Variants in LIPG observed in about 807,000 individuals in gnomAD.
LIPG encodes the protein lipase G, endothelial type.
In LIPG, 34 loss-of-function variants were observed where a neutral mutation model predicts 51.8. The observed-to-expected ratio is 0.66, with a 90% confidence interval of 0.50 to 0.87. The LOEUF (loss-of-function observed/expected upper bound fraction) is 0.87. LIPG is among the 40% of genes least tolerant of loss of function. LIPG has a pLI of 0.00. For missense variants in LIPG, 580 were observed against 652.7 expected (o/e 0.89, Z 1.21); for synonymous variants, 246 against 246.1 (o/e 1.00, Z 0.00).
At position 49,592,973 on chromosome 18, in the gene LIPG, C is replaced by A. The variant is rs1231399697; in HGVS notation, c.*2451C>A. On this transcript the variant is annotated 3_prime_UTR_variant, in exon 10 of 10. Coordinates refer to ENST00000261292, the MANE Select transcript of LIPG (RefSeq NM_006033.4). ...TTTGAGACAGAGCCTCTCTCTGTCA[C>A]CCAGGCTGGAGTGCAGTGGCAATCT... 2 of 137,966 alleles carry A rather than the reference C, an allele frequency of 1.4e-5. No homozygotes were observed. The allele number at this position is 137,966 out of a possible 1,614,324, so 8.5% of individuals were successfully genotyped here. A position where few individuals can be genotyped will look rare whatever the true frequency, so the allele number is the denominator to read the frequency against.
At position 49,565,396 on chromosome 18, in the gene LIPG, A is replaced by G. The variant is rs1179746359; in HGVS notation, c.177A>G (p.Pro59=). ...TTAACCTCCGCACCTCCAAGGACCC[A>G]GAGCATGAAGGATGCTACCTCTCCG... The part of the protein sequence containing the change: ...VRFNLRTSKD[P]EHEGCYLSVG... Residue 59 remains proline (P), a synonymous_variant, in exon 2 of 10, where the codon CCA becomes CCG. Coordinates refer to ENST00000261292, the MANE Select transcript of LIPG (RefSeq NM_006033.4). 6.2e-7 allele frequency: 1 copy of G among 1,614,208 alleles called. No individual in the cohort carries two copies. The highest frequency in any genetic ancestry group is 1.1e-5 in the South Asian group (1 of 91,088).
At position 49,565,512 on chromosome 18, in the gene LIPG, G is replaced by A. The variant is rs766543545; in HGVS notation, c.279+14G>A. The A allele has an allele frequency of 6.2e-7, 1 of 1,614,098 alleles. No individual in the cohort carries two copies. The highest frequency in any genetic ancestry group is 2.2e-5 in the East Asian group (1 of 44,892). On this transcript the variant is annotated intron_variant, in intron 2 of 9. Transcript: ENST00000261292. ...CACGGATGGACGGTGAGCCCGGGGAGGGAGCTCTGCGGCTTTATATAAGAT... is the reference window on the plus strand; with the variant it reads ...CACGGATGGACGGTGAGCCCGGGGAAGGAGCTCTGCGGCTTTATATAAGAT...
chr18:49,567,449 G>T lies in LIPG; in HGVS notation c.287G>T (p.Gly96Val), dbSNP rs768287354. The T allele has an allele frequency of 1.2e-5, 20 of 1,613,974 alleles. No homozygotes were observed. Among genetic ancestry groups the T allele is most frequent in the Admixed American group, 1.7e-5 (1 of 59,992 alleles). Residue 96 changes from glycine (G) to valine (V), a missense_variant, in exon 3 of 10, where the codon GGT becomes GTT. Physicochemically the swap from Gly to Val is moderately radical, Grantham distance 109. Coordinates refer to ENST00000261292, the MANE Select transcript of LIPG (RefSeq NM_006033.4). ...TTCCACTTTTCTCTGCAGATGAGCG[G>T]TATCTTTGAAAACTGGCTGCACAAA... ...FFIIHGWTMS[G>V]IFENWLHKLV...
At chr18:49,567,336 C>CAAA in intron 2 of LIPG, 106 bp from the exon 3 acceptor site, 1 of 996,162 alleles carries the variant, frequency 1.0e-6, no homozygotes, top group South Asian at 1.6e-5. Context: ...GACCCTGAGT[C>CAAA]AAAAAAAAAA....
chr18:49,592,515 A>G lies in LIPG; in HGVS notation c.*1993A>G, dbSNP rs1040644718. On this transcript the variant is annotated 3_prime_UTR_variant, in exon 10 of 10. Coordinates refer to ENST00000261292, the MANE Select transcript of LIPG (RefSeq NM_006033.4). Reference sequence around the variant, plus strand: ...TTTTAAATAGTTGTGTACATGAAGCATGGTTTGTGGTAACTTATGTGAGGG... The same window carrying G: ...TTTTAAATAGTTGTGTACATGAAGCGTGGTTTGTGGTAACTTATGTGAGGG... The G allele has an allele frequency of 1.3e-5, 2 of 152,472 alleles. No individual in the cohort carries two copies. The highest frequency in any genetic ancestry group is 2.4e-5 in the African/African-American group (1 of 41,464). The allele number at this position is 152,472 out of a possible 1,614,324, so 9.4% of individuals were successfully genotyped here.
chr18:49,577,690 G>C (rs1311537554), intron 5 of LIPG, among the ~76,000 whole-genome samples: 2 of 86,788 alleles, frequency 2.3e-5, no homozygotes, highest in Admixed American at 9.6e-5. Flanking sequence ...CTGGCCAGGC[G>C]GGGGGCTGAC....
chr18:49,571,631 G>T (rs1427555772), intron 4 of LIPG, among the ~76,000 whole-genome samples: 1 of 152,184 alleles, frequency 6.6e-6, no homozygotes, highest in Admixed American at 6.5e-5. Flanking sequence ...GTCTGATGGG[G>T]GAGGCTGCGT....
chr18:49,596,209 C>T lies in LIPG; in HGVS notation c.*5687C>T, dbSNP rs2084981448. On this transcript the variant is annotated 3_prime_UTR_variant, in exon 10 of 10. Coordinates refer to ENST00000261292, the MANE Select transcript of LIPG (RefSeq NM_006033.4). ...TAAAAGGTATAAATGTGAAAGTCAT[C>T]ATGCTAATAGATATTATGAAATATA... 6.6e-6 allele frequency: 1 copy of T among 152,046 alleles called. No individual in the cohort carries two copies. Among genetic ancestry groups the T allele is most frequent in the Non-Finnish European group, 1.5e-5 (1 of 68,000 alleles). The allele number at this position is 152,046 out of a possible 1,614,324, so 9.4% of individuals were successfully genotyped here.
At chr18:49,574,957 G>A (rs2084700090) in intron 4 of LIPG, among the ~76,000 whole-genome samples, 1 of 152,128 alleles carries the variant, frequency 6.6e-6, no homozygotes, top group African/African-American at 2.4e-5. Context: ...TACAATTAAG[G>A]ACATGAAAGA....
At chr18:49,578,131 C>G (rs1479997962) in intron 5 of LIPG, among the ~76,000 whole-genome samples, 4 of 124,272 alleles carry the variant, frequency 3.2e-5, no homozygotes, top group Non-Finnish European at 5.2e-5. Context: ...GACCCCCCCC[C>G]ACCTCCCTCC....
chr18:49,581,343 G>A (rs1043791046), intron 5 of LIPG, 72 bp from the exon 6 acceptor site: 3 of 1,574,320 alleles, frequency 1.9e-6, no homozygotes, highest in Non-Finnish European at 2.6e-6. Flanking sequence ...GAGGAGTACA[G>A]TATTTATTAT....
At position 49,582,001 on chromosome 18, in the gene LIPG, A is replaced by G. The variant is rs2084825616; in HGVS notation, c.1036+344A>G. 5 of 580,808 alleles carry G rather than the reference A, an allele frequency of 8.6e-6. No homozygotes were observed. The South Asian group carries it at 1.1e-4, about 13-fold the overall frequency. 36.0% of individuals were successfully genotyped at this position (580,808 alleles called of 1,614,324 possible). Reference sequence around the variant, plus strand: ...GAACAGGGGACCAAAATGACATGTTACATTTTTATAATGTGCTGTAAAATC... The same window carrying G: ...GAACAGGGGACCAAAATGACATGTTGCATTTTTATAATGTGCTGTAAAATC... On this transcript the variant is annotated intron_variant, in intron 6 of 9. Coordinates refer to ENST00000261292, the MANE Select transcript of LIPG (RefSeq NM_006033.4).
At position 49,562,361 on chromosome 18, in the gene LIPG, CT is replaced by C. The variant is rs758249864; in HGVS notation, c.54del (p.Ala19ArgfsTer31). 1.8e-5 allele frequency: 29 copies of C among 1,613,876 alleles called. No homozygotes were observed. Among genetic ancestry groups the C allele is most frequent in the Non-Finnish European group, 2.3e-5 (27 of 1,180,038 alleles). On this transcript the variant is annotated frameshift_variant, in exon 1 of 10. Coordinates refer to ENST00000261292, the MANE Select transcript of LIPG (RefSeq NM_006033.4). LOFTEE classifies it high-confidence loss of function. ...TTCTGGAGCCTCTGCTATTGCTTTGCTGCGGGGAGCCCCGTACCTTTTGGTC... is the reference window on the plus strand; with the variant it reads ...TTCTGGAGCCTCTGCTATTGCTTTGCGCGGGGAGCCCCGTACCTTTTGGTC... ...LCFWSLCYCF[A>X]AGSPVPFGPE...
intron 1 of LIPG, among the ~76,000 whole-genome samples, chr18:49,563,274 T>C (rs2084570465): frequency 6.6e-6 from 1 of 152,152 alleles, no homozygotes; most frequent in Non-Finnish European, 1.5e-5. Context: ...ATGGAAAGCC[T>C]TGCTTTACTC....
At chr18:49,571,004 G>GCA (rs2084656212) in intron 4 of LIPG, among the ~76,000 whole-genome samples, 1 of 152,134 alleles carries the variant, frequency 6.6e-6, no homozygotes, top group South Asian at 2.1e-4. Flanking sequence ...GTATGTGCGT[G>GCA]CACACACATG....
Position 49,593,477 on chromosome 18 carries a change from C to T in LIPG, c.*2955C>T, listed in dbSNP as rs1018777594. The T allele has an allele frequency of 6.6e-6, 1 of 152,142 alleles. No individual in the cohort carries two copies. Among genetic ancestry groups the T allele is most frequent in the African/African-American group, 2.4e-5 (1 of 41,420 alleles). 9.4% of individuals were successfully genotyped at this position (152,142 alleles called of 1,614,324 possible). A position where few individuals can be genotyped will look rare whatever the true frequency, so the allele number is the denominator to read the frequency against. On this transcript the variant is annotated 3_prime_UTR_variant, in exon 10 of 10. Transcript: ENST00000261292. ...GAAGAACAGGGAGCATGGCTGGACA[C>T]TGGGGAGCATTAGTGAGATTATTAG...
intron 9 of LIPG, chr18:49,590,277 G>A: frequency 1.5e-6 from 1 of 647,282 alleles, no homozygotes; most frequent in East Asian, 2.8e-5. Context: ...AGAGGGTGCT[G>A]CAGTGTGGTG....
intron 5 of LIPG, among the ~76,000 whole-genome samples, chr18:49,578,783 G>A (rs1166407188): frequency 6.6e-6 from 1 of 151,326 alleles, no homozygotes; most frequent in Non-Finnish European, 1.5e-5. Flanking sequence ...CACCTCGGGA[G>A]GCCAAGGCTG....
chr18:49,587,650 G>A (rs1305789634), intron 9 of LIPG, among the ~76,000 whole-genome samples: 2 of 150,570 alleles, frequency 1.3e-5, no homozygotes, highest in Non-Finnish European at 3.0e-5. Context: ...TAGATAGGAT[G>A]TTGGAAGTGT....
Sources: allele counts gnomAD v4.1 joint callset (sites outside exome capture counted in the v4.1 genomes callset), GRCh38; gene constraint gnomAD v4.1.1; transcripts MANE v1.5; gene names NCBI Gene and HGNC (gene_info 2026-07-23, HGNC 2026-07-21).